Variants in PLEKHG5 observed in about 807,000 individuals in gnomAD.
PLEKHG5 encodes the protein pleckstrin homology and RhoGEF domain containing G5.
A neutral mutation model predicts 103.8 loss-of-function variants in PLEKHG5; 52 were observed. That is an observed-to-expected ratio of 0.50 (90% confidence interval 0.40 to 0.63). PLEKHG5 has a LOEUF of 0.63. Among genes scored for constraint, PLEKHG5 ranks in the 30% least tolerant of loss-of-function variants. The pLI is 0.00. For missense variants in PLEKHG5, 1,205 were observed against 1,347.6 expected (o/e 0.89, Z 1.66); for synonymous variants, 592 against 575.5 (o/e 1.03, Z -0.41).
chr1:6,470,971 AC>A lies in PLEKHG5; in HGVS notation c.1392+18del, dbSNP rs1557740836. 1 of 1,521,642 alleles carries A rather than the reference AC, an allele frequency of 6.6e-7. No homozygotes were observed. The highest frequency in any genetic ancestry group is 8.9e-7 in the Non-Finnish European group (1 of 1,126,512). 94.3% of individuals were successfully genotyped at this position (1,521,642 alleles called of 1,614,324 possible). A position where few individuals can be genotyped will look rare whatever the true frequency, so the allele number is the denominator to read the frequency against. On this transcript the variant is annotated intron_variant, in intron 13 of 20. Coordinates refer to ENST00000377728, the MANE Select transcript of PLEKHG5 (RefSeq NM_020631.6). ...GTCCCGTCCTCCTGCGCCCCCGCCC[AC>A]GGCACGCGCGCCCTCACCGTGATGT... is the stretch of plus-strand genomic sequence containing the variant.
chr1:6,496,481 C>T, upstream of PLEKHG5: 2 of 1,600,494 alleles, frequency 1.2e-6, no homozygotes, highest in Non-Finnish European at 1.7e-6. Flanking sequence ...CCAGGCTCTC[C>T]AGCCTCCCTA....
intron 19 of PLEKHG5, 138 bp downstream of exon 19, chr1:6,468,904 G>A: frequency 1.3e-6 from 1 of 794,184 alleles, no homozygotes; most frequent in Non-Finnish European, 2.1e-6. Context: ...CCGGACTCTG[G>A]GGGAGACAGA....
Position 6,490,262 on chromosome 1 carries a change from G to A in PLEKHG5, c.-88+1375C>T, listed in dbSNP as rs961325891. 2.6e-5 allele frequency among the ~76,000 whole-genome samples: 4 copies of A among 152,128 alleles called. No individual in the cohort carries two copies. The highest frequency in any genetic ancestry group is 2.6e-4 in the Admixed American group (4 of 15,256). ...CCTAGAGACACTGTGATGGGGGCGG[G>A]AGCTTGAACCCATTCCACCCTCACG... On this transcript the variant is annotated intron_variant, in intron 1 of 20. Coordinates refer to ENST00000377728, the MANE Select transcript of PLEKHG5 (RefSeq NM_020631.6). The surrounding 1 kb of genome is among the most constrained non-coding windows in gnomAD (Gnocchi z 8.0).
chr1:6,480,951 T>C (rs778259986), intron 1 of PLEKHG5, among the ~76,000 whole-genome samples: 32 of 152,222 alleles, frequency 2.1e-4, no homozygotes, highest in Non-Finnish European at 3.5e-4. Flanking sequence ...CCATATCAGC[T>C]TGGGGTCACT....
At chr1:6,495,050 CT>C (rs1318758320), upstream of PLEKHG5, among the ~76,000 whole-genome samples, 4 of 152,374 alleles carry the variant, frequency 2.6e-5, no homozygotes, top group South Asian at 2.1e-4. Flanking sequence ...AGGACCCCCC[CT>C]GAGAGCAGCT....
At chr1:6,497,031 T>C, upstream of PLEKHG5, 1 of 1,515,116 alleles carries the variant, frequency 6.6e-7, no homozygotes, top group Non-Finnish European at 8.8e-7. This position sits in a 1 kb window ranked among gnomAD's most constrained non-coding sequence, Gnocchi z 6.1. Flanking sequence ...CCAAGACTCA[T>C]CTTTGACCCT....
In PLEKHG5 at chr1:6,477,551, G is replaced by T. The variant is rs755389652; in HGVS notation, c.21C>A (p.Val7=). The T allele has an allele frequency of 2.5e-6, 4 of 1,612,458 alleles. No homozygotes were observed. Among genetic ancestry groups the T allele is most frequent in the African/African-American group, 1.3e-5 (1 of 75,056 alleles). MHYDGH[V]RFDLPPQGSV... ...CACCTTGTGGGGGAAGGTCGAAGCG[G>T]ACATGCCCATCATAATGCATGGTGC... is the stretch of plus-strand genomic sequence containing the variant. Residue 7 remains valine, a synonymous_variant, in exon 2 of 21, where the codon GTC becomes GTA. Coordinates refer to ENST00000377728, the MANE Select transcript of PLEKHG5 (RefSeq NM_020631.6).
chr1:6,494,226 G>A (rs1645190647), upstream of PLEKHG5, among the ~76,000 whole-genome samples: 1 of 147,798 alleles, frequency 6.8e-6, no homozygotes, highest in Non-Finnish European at 1.5e-5. Flanking sequence ...TGCCTCCCAG[G>A]TTCAGGCAAT....
In PLEKHG5 at chr1:6,470,970, C is replaced by T. The variant is rs1196709692; in HGVS notation, c.1392+20G>A. 6.3e-7 allele frequency: 1 copy of T among 1,578,420 alleles called. No homozygotes were observed. Among genetic ancestry groups the T allele is most frequent in the Non-Finnish European group, 8.6e-7 (1 of 1,162,128 alleles). On this transcript the variant is annotated intron_variant, in intron 13 of 20. Coordinates refer to ENST00000377728, the MANE Select transcript of PLEKHG5 (RefSeq NM_020631.6). ...GGTCCCGTCCTCCTGCGCCCCCGCC[C>T]ACGGCACGCGCGCCCTCACCGTGAT...
Position 6,475,061 on chromosome 1 carries a change from C to A in PLEKHG5, c.288G>T (p.Lys96Asn), listed in dbSNP as rs575792064. ...TCAAGCCCTACCCCAGTGACTTCTT[C>A]TTCATGGCTGGGACGATCTCTGTCT... ...DIETEIVPAM[K>N]KKSLGEVLLP... is the part of the protein sequence containing the mutation. The change falls in exon 5 of 21, where the codon AAG (lysine) becomes AAT (asparagine). Residue 96 changes from lysine (K) to asparagine (N), a missense_variant. Physicochemically the swap from Lys to Asn is moderately conservative, Grantham distance 94. Transcript: ENST00000377728. The A allele has an allele frequency of 5.6e-5, 90 of 1,606,290 alleles. 3 individuals are homozygous for A. The South Asian group carries it at 9.0e-4, about 16-fold the overall frequency.
chr1:6,474,406 C>T (rs376076910), intron 6 of PLEKHG5, 45 bp downstream of exon 6: 34 of 1,610,344 alleles, frequency 2.1e-5, no homozygotes, highest in Non-Finnish European at 2.7e-5. Context: ...CTCCAGGAGG[C>T]TCCGCCAGTC....
chr1:6,500,988 G>C (rs188902721), upstream of PLEKHG5, among the ~76,000 whole-genome samples: 1 of 152,352 alleles, frequency 6.6e-6, no homozygotes, highest in East Asian at 1.9e-4. Flanking sequence ...ACGGCCGGCA[G>C]ACATGTTTTG....
Position 6,468,080 on chromosome 1 carries a change from G to T in PLEKHG5, c.2756C>A (p.Ser919Tyr), listed in dbSNP as rs1444129854. 6.3e-7 allele frequency: 1 copy of T among 1,583,778 alleles called. No individual in the cohort carries two copies. Among genetic ancestry groups the T allele is most frequent in the Non-Finnish European group, 8.6e-7 (1 of 1,166,914 alleles). ...CCAGCTGGGCCCAGCTTCCTGAGGG[G>T]AGCCCTGAGTCCTAATACCTGGGGC... ...VPAPGIRTQG[S>Y]PQEAGPSWDC... The change falls in exon 20 of 21, where the codon TCC (serine) becomes TAC (tyrosine). Residue 919 changes from serine to tyrosine, a missense_variant. Physicochemically the swap from Ser to Tyr is moderately radical, Grantham distance 144. Transcript: ENST00000377728.
At chr1:6,474,213 G>A (rs1429903517) in intron 6 of PLEKHG5, 49 bp from the exon 7 acceptor site, 1 of 1,604,152 alleles carries the variant, frequency 6.2e-7, no homozygotes, top group Non-Finnish European at 8.5e-7. Context: ...TCTGGTGGAG[G>A]AGGGGGTCCC....
At chr1:6,514,818 A>T (rs553666675) in intron 1 of PLEKHG5, among the ~76,000 whole-genome samples, 89 of 152,092 alleles carry the variant, frequency 5.9e-4, no homozygotes, top group Non-Finnish European at 1.0e-3. Flanking sequence ...CTGTAATCCC[A>T]GCACTTGGAG....
At chr1:6,491,944 C>T (rs1645156818), upstream of PLEKHG5, among the ~76,000 whole-genome samples, 1 of 152,262 alleles carries the variant, frequency 6.6e-6, no homozygotes, top group Admixed American at 6.5e-5. The surrounding 1 kb of genome is among the most constrained non-coding windows in gnomAD (Gnocchi z 4.1). Flanking sequence ...ACCCCACCTC[C>T]CTGTCAAGGC....
chr1:6,504,239 G>A (rs1326722400), intron 1 of PLEKHG5, among the ~76,000 whole-genome samples: 3 of 152,146 alleles, frequency 2.0e-5, no homozygotes, highest in Non-Finnish European at 4.4e-5. Context: ...GCTGAGGGTG[G>A]AGGGGAGATT....
chr1:6,476,846 C>T (rs533160878), intron 2 of PLEKHG5, among the ~76,000 whole-genome samples: 7 of 152,212 alleles, frequency 4.6e-5, no homozygotes, highest in Admixed American at 3.9e-4. Context: ...CCTCCATTGT[C>T]GGGGTTCAAG....
At chr1:6,497,687 G>A (rs908778700), upstream of PLEKHG5, among the ~76,000 whole-genome samples, 2 of 152,100 alleles carry the variant, frequency 1.3e-5, no homozygotes, top group Non-Finnish European at 2.9e-5. This position sits in a 1 kb window ranked among gnomAD's most constrained non-coding sequence, Gnocchi z 6.1. Flanking sequence ...AGGAATGCAG[G>A]CCGGGAGCCA....
Sources: gnomAD v4.1 joint callset for allele counts (sites outside exome capture counted in the v4.1 genomes callset) on GRCh38, gnomAD v4.1.1 for gene constraint, Gnocchi (gnomAD v3.1) non-coding constraint, MANE v1.5 for transcripts, NCBI Gene and HGNC (gene_info 2026-07-23, HGNC 2026-07-21) for gene names.